VPS13D: variants seen among roughly 807,000 people sequenced by gnomAD.
The protein encoded by VPS13D is vacuolar protein sorting 13 homolog D, also known as intermembrane lipid transfer protein VPS13D.
In VPS13D, 187 loss-of-function variants were observed where a neutral mutation model predicts 461.9. The observed-to-expected ratio is 0.40, with a 90% CI of 0.36 to 0.46. VPS13D has a LOEUF of 0.46. Among genes scored for constraint, VPS13D ranks in the 20% least tolerant of loss-of-function variants. The pLI is 0.60. For synonymous variants in VPS13D, 1,951 were observed against 1,986.3 expected (o/e 0.98, Z 0.47); for missense variants, 4,711 against 5,364.9 (o/e 0.88, Z 3.81).
chr1:12,400,958 GCGCGCACACACACA>G (rs1398795863), intron 61 of VPS13D, among the ~76,000 whole-genome samples: 1 of 80,438 alleles, frequency 1.2e-5, no homozygotes, highest in African/African-American at 4.9e-5. Flanking sequence ...GCACCTGCGC[GCGCGCACACACACA>G]CACACACACA....
chr1:12,415,130 A>T lies in VPS13D; in HGVS notation c.12074A>T (p.Asp4025Val). Reference sequence around the variant, plus strand: ...GGGTTTCCTTTGATACGGTTTGAAGACGCTGTGATTAATCTAGATCCATTC... The same window carrying T: ...GGGTTTCCTTTGATACGGTTTGAAGTCGCTGTGATTAATCTAGATCCATTC... Reference protein sequence around the residue: ...TLGFPLIRFEDAVINLDPFTR... With the variant: ...TLGFPLIRFEVAVINLDPFTR... Residue 4025 changes from aspartate (D) to valine (V), a missense_variant, in exon 64 of 70, where the codon GAC becomes GTC. Coordinates refer to ENST00000620676, the MANE Select transcript of VPS13D (RefSeq NM_015378.4). 6.2e-7 allele frequency: 1 copy of T among 1,614,096 alleles called. No individual in the cohort carries two copies. The highest frequency in any genetic ancestry group is 8.5e-7 in the Non-Finnish European group (1 of 1,179,996).
At chr1:12,348,998 A>G (rs752771422) in intron 45 of VPS13D, 25 bp downstream of exon 45, 3 of 1,613,702 alleles carry the variant, frequency 1.9e-6, no homozygotes, top group Admixed American at 1.7e-5. Context: ...TCTAGCATAT[A>G]GTAAATGCTG....
chr1:12,503,883 C>G (rs1057117396), intron 68 of VPS13D, among the ~76,000 whole-genome samples: 6 of 152,134 alleles, frequency 3.9e-5, no homozygotes, highest in Admixed American at 3.9e-4. Context: ...ACTCAAGGAA[C>G]CTCAAGTGAG....
In VPS13D at chr1:12,349,256, T is replaced by A. The variant is rs1643744023; in HGVS notation, c.9313T>A (p.Leu3105Met). The A allele has an allele frequency of 1.2e-6, 2 of 1,614,098 alleles. No homozygotes were observed. The highest frequency in any genetic ancestry group is 4.5e-5 in the East Asian group (2 of 44,878). The change falls in exon 46 of 70, where the codon TTG (leucine) becomes ATG (methionine). Residue 3105 changes from leucine (L) to methionine (M), a missense_variant. Around this residue, in one of 3 missense-constraint regions of VPS13D, gnomAD observed 4,411 missense variants for 4,937.8 expected, o/e 0.89. Transcript: ENST00000620676. ...GCGGCTACAGGCCCGGCCCAAAGGA[T>A]TGGGTGTATTTTTCTGTAAGGCTCC... ...SWRLQARPKG[L>M]GVFFCKAPIH...
intron 65 of VPS13D, among the ~76,000 whole-genome samples, chr1:12,442,585 CT>C (rs370449071): frequency 0.013 from 1,820 of 138,574 alleles, 32 homozygotes; most frequent in African/African-American, 0.039. Flanking sequence ...ATTTCCCTTA[CT>C]TTTTTTTTTT....
At chr1:12,288,043 C>G (rs1642022797) in intron 21 of VPS13D, among the ~76,000 whole-genome samples, 180 bp from the exon 22 acceptor site, 1 of 152,226 alleles carries the variant, frequency 6.6e-6, no homozygotes, top group African/African-American at 2.4e-5. Context: ...AGTCTCCGCC[C>G]TGTCCTCAGG....
intron 46 of VPS13D, among the ~76,000 whole-genome samples, chr1:12,349,765 T>C (rs1643756044): frequency 6.6e-6 from 1 of 152,180 alleles, no homozygotes; most frequent in Admixed American, 6.5e-5. Flanking sequence ...TTCAAAATAA[T>C]TTGAAGGTTT....
chr1:12,378,975 A>T (rs939074757), intron 56 of VPS13D, among the ~76,000 whole-genome samples: 6 of 152,366 alleles, frequency 3.9e-5, no homozygotes, highest in Admixed American at 3.9e-4. Context: ...TATTTTTATG[A>T]ATAAATCCTT....
At chr1:12,378,739 A>G in intron 56 of VPS13D, 148 bp downstream of exon 56, 1 of 809,768 alleles carries the variant, frequency 1.2e-6, no homozygotes, top group African/African-American at 1.8e-5. Flanking sequence ...CCCAAATATG[A>G]GTATTGGGCT....
At chr1:12,503,302 C>T (rs1646059156) in intron 68 of VPS13D, among the ~76,000 whole-genome samples, 1 of 152,056 alleles carries the variant, frequency 6.6e-6, no homozygotes, top group Non-Finnish European at 1.5e-5. Flanking sequence ...CCCAGAGTAT[C>T]CTCTTTCTCT....
intron 67 of VPS13D, 22 bp downstream of exon 67, chr1:12,460,418 G>A: frequency 2.0e-6 from 3 of 1,534,630 alleles, no homozygotes; most frequent in Non-Finnish European, 8.8e-7. Context: ...GGGAAGAATG[G>A]CTTTTGCAGT....
At chr1:12,354,978 T>G (rs1643873471) in intron 47 of VPS13D, among the ~76,000 whole-genome samples, 1 of 152,188 alleles carries the variant, frequency 6.6e-6, no homozygotes, top group Non-Finnish European at 1.5e-5. Context: ...CACAGCAGAT[T>G]CAGAGAGACT....
chr1:12,288,077 A>C (rs866245259), intron 21 of VPS13D, 146 bp from the exon 22 acceptor site: 5 of 655,444 alleles, frequency 7.6e-6, no homozygotes, highest in Non-Finnish European at 1.3e-5. Context: ...GGCTTAAGAA[A>C]GCTGAAGTGA....
chr1:12,303,815 G>A (rs997928278), intron 25 of VPS13D, among the ~76,000 whole-genome samples: 1 of 152,232 alleles, frequency 6.6e-6, no homozygotes, highest in African/African-American at 2.4e-5. Flanking sequence ...AAGCTTAAAA[G>A]TCAATTATTG....
At chr1:12,362,607 TAC>T (rs1270216232) in intron 50 of VPS13D, 111 bp from the exon 51 acceptor site, 33 of 1,033,470 alleles carry the variant, frequency 3.2e-5, no homozygotes, top group Non-Finnish European at 4.5e-5. Flanking sequence ...CTCTGGGTGA[TAC>T]AGTTATTTTC....
intron 16 of VPS13D, among the ~76,000 whole-genome samples, chr1:12,269,948 A>G (rs1641385398): frequency 6.6e-6 from 1 of 152,088 alleles, no homozygotes; most frequent in Non-Finnish European, 1.5e-5. Context: ...GGAGTTTGAG[A>G]CTAGCCTGGG....
intron 1 of VPS13D, among the ~76,000 whole-genome samples, chr1:12,231,080 G>A (rs568027184): frequency 1.3e-5 from 2 of 152,300 alleles, no homozygotes; most frequent in South Asian, 2.1e-4. Flanking sequence ...TCCTATTCCC[G>A]GTCTGGCCGC....
At chr1:12,308,977 A>G (rs1411741403) in intron 27 of VPS13D, among the ~76,000 whole-genome samples, 1 of 152,146 alleles carries the variant, frequency 6.6e-6, no homozygotes, top group Non-Finnish European at 1.5e-5. Context: ...GTCTATGATA[A>G]GTAGAATCTT....
intron 29 of VPS13D, among the ~76,000 whole-genome samples, chr1:12,313,338 C>G (rs1431151510): frequency 8.5e-6 from 1 of 117,252 alleles, no homozygotes. Context: ...GACAGAATCT[C>G]TCTCTGTTGC....
Sources: allele counts gnomAD v4.1 joint callset (sites outside exome capture counted in the v4.1 genomes callset), GRCh38; gene constraint gnomAD v4.1.1; regional missense constraint gnomAD v4.1.1; transcripts MANE v1.5; gene names NCBI Gene and HGNC (gene_info 2026-07-23, HGNC 2026-07-21).